SLAIN1: variants seen among roughly 807,000 people sequenced by gnomAD.
The protein encoded by SLAIN1 is SLAIN motif-containing protein 1.
Under a neutral mutation model 55.4 loss-of-function variants are expected in SLAIN1, and 17 were observed. That is an observed-to-expected ratio of 0.31 (90% CI 0.21 to 0.46). The LOEUF is 0.46. Ranked by LOEUF, SLAIN1 falls within the 20% of genes least tolerant of loss-of-function variation. SLAIN1 has a pLI of 1.00. For missense variants in SLAIN1, 682 were observed against 785.1 expected (o/e 0.87, Z 1.57); for synonymous variants, 348 against 337.4 (o/e 1.03, Z -0.35).
In SLAIN1 at chr13:77,741,200, A is replaced by G. The variant is rs888533468; in HGVS notation, c.767-3083A>G. On this transcript the variant is annotated intron_variant, in intron 2 of 6. Coordinates refer to ENST00000418532, the MANE Select transcript of SLAIN1 (RefSeq NM_001242868.2). Reference sequence around the variant, plus strand: ...AGTGATCAGACTGGTATAAAATAACATCATCTGTTAGGCAAGATAGCAGTC... The same window carrying G: ...AGTGATCAGACTGGTATAAAATAACGTCATCTGTTAGGCAAGATAGCAGTC... 15 of 985,632 alleles carry G rather than the reference A, an allele frequency of 1.5e-5. No homozygotes were observed. In the African/African-American group the frequency reaches 2.6e-4, roughly 17 times the overall value. 61.1% of individuals were successfully genotyped at this position (985,632 alleles called of 1,614,324 possible).
At chr13:77,731,949 C>T (rs996715953) in intron 2 of SLAIN1, among the ~76,000 whole-genome samples, 1 of 151,924 alleles carries the variant, frequency 6.6e-6, no homozygotes, top group Non-Finnish European at 1.5e-5. Flanking sequence ...AAAAGAGACT[C>T]CTGTTTTAGG....
At chr13:77,761,401 G>C (rs988865451) in intron 6 of SLAIN1, among the ~76,000 whole-genome samples, 2 of 152,088 alleles carry the variant, frequency 1.3e-5, no homozygotes, top group African/African-American at 4.8e-5. Context: ...GTAGCTTTCT[G>C]CTCCCAAGTT....
chr13:77,719,529 A>C lies in SLAIN1; in HGVS notation c.627-3A>C. ...ACCTATAATGTAGATTTCTTTTTTT[A>C]AGGTTATACATTGGCTCTTCAAAGA... On this transcript the variant is annotated splice_region_variant and splice_polypyrimidine_tract_variant and intron_variant, in intron 1 of 6. Coordinates refer to ENST00000418532, the MANE Select transcript of SLAIN1 (RefSeq NM_001242868.2). The C allele has an allele frequency of 6.2e-7, 1 of 1,608,694 alleles. No individual in the cohort carries two copies. Among genetic ancestry groups the C allele is most frequent in the Non-Finnish European group, 8.5e-7 (1 of 1,177,212 alleles).
At chr13:77,744,247 G>T in intron 2 of SLAIN1, 36 bp from the exon 3 acceptor site, 1 of 1,424,360 alleles carries the variant, frequency 7.0e-7, no homozygotes, top group East Asian at 2.3e-5. Context: ...TATCAGTCCT[G>T]CAGATGGAAG....
At chr13:77,737,794 C>T (rs1271581054) in intron 2 of SLAIN1, among the ~76,000 whole-genome samples, 6 of 151,458 alleles carry the variant, frequency 4.0e-5, no homozygotes, top group African/African-American at 1.5e-4. Context: ...ACTGCACTTA[C>T]AATATGACAT....
chr13:77,712,305 T>G (rs1014856974), intron 1 of SLAIN1, among the ~76,000 whole-genome samples: 1 of 152,176 alleles, frequency 6.6e-6, no homozygotes, highest in East Asian at 1.9e-4. Flanking sequence ...GACATGATTG[T>G]ATATTGAGAA....
intron 4 of SLAIN1, among the ~76,000 whole-genome samples, chr13:77,751,283 C>T (rs1874192424): frequency 6.6e-6 from 1 of 151,782 alleles, no homozygotes; most frequent in African/African-American, 2.4e-5. Context: ...ATGGTTTACC[C>T]CTATCAAAAT....
intron 1 of SLAIN1, among the ~76,000 whole-genome samples, chr13:77,700,996 C>T (rs532374646): frequency 6.6e-6 from 1 of 152,266 alleles, no homozygotes; most frequent in African/African-American, 2.4e-5. Context: ...AATCAATATA[C>T]AAACATATAC....
Position 77,741,275 on chromosome 13 carries a change from T to A in SLAIN1, c.767-3008T>A, listed in dbSNP as rs117459110. On this transcript the variant is annotated intron_variant, in intron 2 of 6. Transcript: ENST00000418532. ...ATATAGAATTTTTAATGAGAAACTTTGAATAATAGAGATTGAACATGTGAG... is the reference window on the plus strand; with the variant it reads ...ATATAGAATTTTTAATGAGAAACTTAGAATAATAGAGATTGAACATGTGAG... 1.3e-4 allele frequency: 129 copies of A among 987,388 alleles called. No homozygotes were observed. The East Asian group carries it at 0.01, about 79-fold the overall frequency. The allele number at this position is 987,388 out of a possible 1,614,324, so 61.2% of individuals were successfully genotyped here.
intron 5 of SLAIN1, among the ~76,000 whole-genome samples, chr13:77,758,808 A>T (rs962040265): frequency 6.6e-6 from 1 of 152,158 alleles, no homozygotes; most frequent in East Asian, 1.9e-4. Context: ...TAGCAGTACC[A>T]TGCTGTTTTG....
chr13:77,702,102 A>AT (rs1222990916), intron 1 of SLAIN1, among the ~76,000 whole-genome samples: 54 of 150,428 alleles, frequency 3.6e-4, no homozygotes, highest in African/African-American at 1.3e-3. Flanking sequence ...TGAACTCATC[A>AT]TTTTTTATGG....
In SLAIN1 at chr13:77,746,705, G is replaced by A; in HGVS notation, c.1108G>A (p.Gly370Arg). The change falls in exon 4 of 7, where the codon GGA becomes AGA. Residue 370 changes from glycine (G) to arginine (R), a missense_variant. By Grantham distance (125) the Gly-to-Arg change is moderately radical. Coordinates refer to ENST00000418532, the MANE Select transcript of SLAIN1 (RefSeq NM_001242868.2). ...RLPRCSPFQRGIPHSQTFSSI... is the reference protein window; with the variant it reads ...RLPRCSPFQRRIPHSQTFSSI... ...TCCAAGATGTTCCCCTTTCCAAAGAGGAATTCCCCATTCACAGACTTTCTC... is the reference window on the plus strand; with the variant it reads ...TCCAAGATGTTCCCCTTTCCAAAGAAGAATTCCCCATTCACAGACTTTCTC... 3 of 1,613,750 alleles carry A rather than the reference G, an allele frequency of 1.9e-6. No individual in the cohort carries two copies. The highest frequency in any genetic ancestry group is 2.5e-6 in the Non-Finnish European group (3 of 1,179,796).
intron 1 of SLAIN1, among the ~76,000 whole-genome samples, chr13:77,703,407 A>C (rs965066297): frequency 2.0e-5 from 3 of 152,140 alleles, no homozygotes. Context: ...TGTTTTTTGC[A>C]TAATTGATTT....
intron 5 of SLAIN1, among the ~76,000 whole-genome samples, chr13:77,755,407 G>A (rs1029932969): frequency 6.6e-6 from 1 of 152,080 alleles, no homozygotes; most frequent in African/African-American, 2.4e-5. Flanking sequence ...TAACAATTAG[G>A]AATTTTTGTT....
At position 77,697,814 on chromosome 13, in the gene SLAIN1, G is replaced by A. The variant is rs1206443070; in HGVS notation, c.-100G>A. The A allele has an allele frequency of 3.4e-6, 4 of 1,165,862 alleles. No individual in the cohort carries two copies. The highest frequency in any genetic ancestry group is 4.2e-6 in the Non-Finnish European group (4 of 943,450). The allele number at this position is 1,165,862 out of a possible 1,614,324, so 72.2% of individuals were successfully genotyped here. A position where few individuals can be genotyped will look rare whatever the true frequency, so the allele number is the denominator to read the frequency against. On this transcript the variant is annotated 5_prime_UTR_variant, in exon 1 of 7. Coordinates refer to ENST00000418532, the MANE Select transcript of SLAIN1 (RefSeq NM_001242868.2). ...CAGCCCGCGCGTGGTCGGCCCCCCAGGCCGGGGCGACAGGGAAGGAGCCGT... is the reference window on the plus strand; with the variant it reads ...CAGCCCGCGCGTGGTCGGCCCCCCAAGCCGGGGCGACAGGGAAGGAGCCGT...
intron 1 of SLAIN1, among the ~76,000 whole-genome samples, chr13:77,717,893 C>T (rs891778411): frequency 6.6e-6 from 1 of 152,096 alleles, no homozygotes; most frequent in African/African-American, 2.4e-5. Context: ...TTGAGAATAA[C>T]TAGCCTGGAC....
At chr13:77,743,039 T>C (rs1594284052) in intron 2 of SLAIN1, 4 of 1,297,672 alleles carry the variant, frequency 3.1e-6, no homozygotes, top group East Asian at 5.7e-5. Flanking sequence ...GAGTCTCTTC[T>C]CTTCAACTGC....
At position 77,763,306 on chromosome 13, in the gene SLAIN1, G is replaced by T. The variant is rs1173813660; in HGVS notation, c.*86G>T. ...GCTGGCTGGGTAGCAGTGGATGTTG[G>T]GATATTCTTTCCCTTTTGTGTTTTA... On this transcript the variant is annotated 3_prime_UTR_variant, in exon 7 of 7. Coordinates refer to ENST00000418532, the MANE Select transcript of SLAIN1 (RefSeq NM_001242868.2). The T allele has an allele frequency of 2.5e-5, 25 of 1,011,584 alleles. No individual in the cohort carries two copies. Among genetic ancestry groups the T allele is most frequent in the Non-Finnish European group, 3.5e-5 (23 of 650,222 alleles). The allele number at this position is 1,011,584 out of a possible 1,614,324, so 62.7% of individuals were successfully genotyped here.
chr13:77,740,187 G>A (rs987425112), intron 2 of SLAIN1, among the ~76,000 whole-genome samples: 2 of 152,000 alleles, frequency 1.3e-5, no homozygotes, highest in Admixed American at 6.6e-5. Context: ...AAGCCCCTGC[G>A]GTACTTTAAT....
Sources: allele counts gnomAD v4.1 joint callset (sites outside exome capture counted in the v4.1 genomes callset), GRCh38; gene constraint gnomAD v4.1.1; transcripts MANE v1.5; gene names NCBI Gene and HGNC (gene_info 2026-07-23, HGNC 2026-07-21).